Variants in FHIT observed in about 807,000 individuals in gnomAD.
FHIT encodes bis(5'-adenosyl)-triphosphatase.
In FHIT, 19 loss-of-function variants were observed where a neutral mutation model predicts 17.9. That is an observed-to-expected ratio of 1.06 (90% CI 0.74 to 1.56). The LOEUF is 1.56. Among genes scored for constraint, FHIT ranks in the 40% most tolerant of loss-of-function variants. FHIT has a pLI of 0.00. For missense variants in FHIT, 248 were observed against 189.2 expected (o/e 1.31, Z -1.82); for synonymous variants, 81 against 69.7 (o/e 1.16, Z -0.81).
intron 4 of FHIT, among the ~76,000 whole-genome samples, chr3:60,566,669 G>A (rs2037146598): frequency 1.3e-5 from 2 of 152,214 alleles, no homozygotes; most frequent in Admixed American, 6.5e-5. Flanking sequence ...AAGTCAAATT[G>A]TCCCTGTTTG....
chr3:60,309,237 G>A (rs2106748700), intron 5 of FHIT, among the ~76,000 whole-genome samples: 1 of 152,032 alleles, frequency 6.6e-6, no homozygotes, highest in Middle Eastern at 3.4e-3. Context: ...TTGGGAGAGG[G>A]GAAAATCCAC....
chr3:60,780,338 CA>C (rs1553725461), intron 4 of FHIT, among the ~76,000 whole-genome samples: 2 of 152,110 alleles, frequency 1.3e-5, no homozygotes, highest in Non-Finnish European at 2.9e-5. Context: ...GTTGGTTTCC[CA>C]AACCTTAAAC....
chr3:60,686,239 T>C (rs2040859685), intron 4 of FHIT, among the ~76,000 whole-genome samples: 1 of 152,186 alleles, frequency 6.6e-6, no homozygotes, highest in Non-Finnish European at 1.5e-5. Context: ...TCCGGCTATT[T>C]TCAAGATAGT....
intron 5 of FHIT, among the ~76,000 whole-genome samples, chr3:60,229,379 T>C (rs1704378218): frequency 6.7e-6 from 1 of 148,580 alleles, no homozygotes; most frequent in Admixed American, 6.7e-5. Context: ...CTCCTGCCAC[T>C]GTACTCCAGC....
chr3:59,959,416 T>C (rs1008121576), intron 7 of FHIT, among the ~76,000 whole-genome samples: 15 of 152,204 alleles, frequency 9.9e-5, no homozygotes, highest in African/African-American at 3.1e-4. Flanking sequence ...GTTAAATGTA[T>C]GTAGAAGATT....
chr3:60,726,030 C>T (rs897661756), intron 4 of FHIT, among the ~76,000 whole-genome samples: 16 of 152,086 alleles, frequency 1.1e-4, no homozygotes, highest in African/African-American at 3.4e-4. Flanking sequence ...CAAGTAATGT[C>T]GGATAGCAAA....
At chr3:59,793,173 C>T (rs1056903708) in intron 8 of FHIT, among the ~76,000 whole-genome samples, 2 of 152,142 alleles carry the variant, frequency 1.3e-5, no homozygotes, top group Non-Finnish European at 1.5e-5. Context: ...TAAAAATTCA[C>T]CTACACTCAA....
intron 2 of FHIT, among the ~76,000 whole-genome samples, chr3:61,192,673 G>A (rs1442547655): frequency 1.3e-5 from 2 of 152,092 alleles, no homozygotes; most frequent in Non-Finnish European, 2.9e-5. Context: ...AATTTATGTG[G>A]CCTCCTTTGA....
intron 4 of FHIT, among the ~76,000 whole-genome samples, chr3:60,593,556 G>A (rs921318347): frequency 6.6e-5 from 10 of 152,096 alleles, no homozygotes; most frequent in Non-Finnish European, 1.0e-4. Flanking sequence ...GCTGCTCAAT[G>A]CAAATAATAA....
At chr3:60,873,946 A>C (rs1704531136) in intron 3 of FHIT, among the ~76,000 whole-genome samples, 1 of 152,170 alleles carries the variant, frequency 6.6e-6, no homozygotes, top group Admixed American at 6.6e-5. Flanking sequence ...ACTCCTAAGC[A>C]AGTGCCTATA....
chr3:60,129,053 G>GTTT lies in FHIT; in HGVS notation c.104-114904_104-114902dup, dbSNP rs72428863. Among the ~76,000 whole-genome samples the GTTT allele has an allele frequency of 6.6e-4, 82 of 123,474 alleles. 2 individuals are homozygous for GTTT. Among genetic ancestry groups the GTTT allele is most frequent in the Admixed American group, 5.8e-3 (68 of 11,698 alleles). 81.0% of individuals were successfully genotyped at this position (123,474 alleles called of 152,430 possible). A position where few individuals can be genotyped will look rare whatever the true frequency, so the allele number is the denominator to read the frequency against. On this transcript the variant is annotated intron_variant, in intron 5 of 9. Coordinates refer to ENST00000492590, the MANE Select transcript of FHIT (RefSeq NM_002012.4). ...CCTTTTCTTCTTTCCTTTTTTGTTTGTTTTTTTTTTTTTTTTTGAAACAGA... is the reference window on the plus strand; with the variant it reads ...CCTTTTCTTCTTTCCTTTTTTGTTTGTTTTTTTTTTTTTTTTTTTTGAAACAGA...
chr3:59,828,912 T>G (rs1277259944), intron 8 of FHIT, among the ~76,000 whole-genome samples: 1 of 149,760 alleles, frequency 6.7e-6, no homozygotes, highest in Admixed American at 6.7e-5. Flanking sequence ...CAAGACAAAT[T>G]TATTCACAGA....
intron 5 of FHIT, among the ~76,000 whole-genome samples, chr3:60,192,635 G>C (rs1225984965): frequency 6.6e-6 from 1 of 152,136 alleles, no homozygotes; most frequent in African/African-American, 2.4e-5. Context: ...AGAGTTGCCT[G>C]CATCTCATAT....
intron 5 of FHIT, among the ~76,000 whole-genome samples, chr3:60,287,539 T>C (rs1707783477): frequency 6.6e-6 from 1 of 152,212 alleles, no homozygotes; most frequent in Non-Finnish European, 1.5e-5. Flanking sequence ...TAGTATTGCT[T>C]TTAATACTTA....
At chr3:59,869,881 T>C (rs1292966815) in intron 8 of FHIT, among the ~76,000 whole-genome samples, 1 of 152,134 alleles carries the variant, frequency 6.6e-6, no homozygotes, top group African/African-American at 2.4e-5. Flanking sequence ...AGTTTTCTTC[T>C]TTATGGTCAC....
chr3:60,378,873 G>C (rs7631068), intron 5 of FHIT, among the ~76,000 whole-genome samples: 1 of 152,010 alleles, frequency 6.6e-6, no homozygotes, highest in African/African-American at 2.4e-5. Context: ...ATAAAGTAAG[G>C]TGAAAAAAGA....
intron 4 of FHIT, among the ~76,000 whole-genome samples, chr3:60,553,664 T>A (rs1480982851): frequency 3.3e-5 from 5 of 151,744 alleles, no homozygotes; most frequent in African/African-American, 1.2e-4. Flanking sequence ...CATGGTATCA[T>A]ATTTACAAAA....
chr3:61,074,855 T>C (rs1489978443), intron 2 of FHIT, among the ~76,000 whole-genome samples: 1 of 152,184 alleles, frequency 6.6e-6, no homozygotes, highest in Non-Finnish European at 1.5e-5. Context: ...TAACCCCCTT[T>C]ACCCCATAAC....
chr3:60,129,770 A>G (rs1363478248), intron 5 of FHIT, among the ~76,000 whole-genome samples: 1 of 152,216 alleles, frequency 6.6e-6, no homozygotes, highest in African/African-American at 2.4e-5. Flanking sequence ...ATTAATGTAC[A>G]GCCCATTATT....
Sources: gnomAD v4.1 joint callset for allele counts (sites outside exome capture counted in the v4.1 genomes callset) on GRCh38, gnomAD v4.1.1 for gene constraint, MANE v1.5 for transcripts, NCBI Gene and HGNC (gene_info 2026-07-23, HGNC 2026-07-21) for gene names.